Variants in VPS13B observed in about 807,000 individuals in gnomAD.
VPS13B encodes vacuolar protein sorting 13 homolog B, also known as intermembrane lipid transfer protein VPS13B.
Under a neutral mutation model 426.4 loss-of-function variants are expected in VPS13B, and 285 were observed. That is an observed-to-expected ratio of 0.67 (90% CI 0.61 to 0.74). The LOEUF is 0.74. VPS13B is among the 30% of genes least tolerant of loss of function. VPS13B has a pLI of 0.00. For synonymous variants in VPS13B, 1,676 were observed against 1,676.4 expected (o/e 1.00, Z 0.01); for missense variants, 4,537 against 4,782.6 (o/e 0.95, Z 1.51).
At chr8:99,848,175 T>C (rs1244007984) in intron 54 of VPS13B, among the ~76,000 whole-genome samples, 1 of 152,232 alleles carries the variant, frequency 6.6e-6, no homozygotes, top group Non-Finnish European at 1.5e-5. Flanking sequence ...GTAGAGCTTT[T>C]TTCTAGGTCT....
intron 3 of VPS13B, among the ~76,000 whole-genome samples, chr8:99,086,724 C>G (rs1226185433): frequency 6.6e-6 from 1 of 152,206 alleles, no homozygotes; most frequent in Non-Finnish European, 1.5e-5. Context: ...GAGGTCCACT[C>G]CAGACCCTGT....
At chr8:99,178,475 A>G (rs1334064702) in intron 16 of VPS13B, among the ~76,000 whole-genome samples, 1 of 152,286 alleles carries the variant, frequency 6.6e-6, no homozygotes, top group Non-Finnish European at 1.5e-5. Flanking sequence ...GTTTTTTGAT[A>G]CTCACAACCA....
At position 99,161,167 on chromosome 8, in the gene VPS13B, T is replaced by C. The variant is rs1306854726; in HGVS notation, c.2208+4424T>C. ...AATTTTCAGATTCAATGCTTTATAC[T>C]TAAGCTTTATTTATTGTCACAATTA... On this transcript the variant is annotated intron_variant, in intron 15 of 61. Transcript: ENST00000357162. Among the ~76,000 whole-genome samples the C allele has an allele frequency of 5.9e-5, 9 of 152,218 alleles. No individual in the cohort carries two copies. The East Asian group carries it at 1.5e-3, about 26-fold the overall frequency.
chr8:99,768,148 A>G lies in VPS13B; in HGVS notation c.7247+1178A>G, dbSNP rs1405359623. ...GAACAGCTTTCTTGGGTCATATACT[A>G]TCATGTGTACTGTGAGGCTATGCTG... On this transcript the variant is annotated intron_variant, in intron 40 of 61. Transcript: ENST00000357162. 2.0e-5 allele frequency among the ~76,000 whole-genome samples: 3 copies of G among 152,158 alleles called. No individual in the cohort carries two copies. The East Asian group carries it at 5.8e-4, about 29-fold the overall frequency.
At chr8:99,138,275 C>T (rs550215868) in intron 12 of VPS13B, among the ~76,000 whole-genome samples, 17 of 152,286 alleles carry the variant, frequency 1.1e-4, no homozygotes, top group South Asian at 2.1e-4. Flanking sequence ...TACAGGCATG[C>T]GCTGCCATGC....
chr8:99,767,493 CAAAAAAA>C (rs869220303), intron 40 of VPS13B, among the ~76,000 whole-genome samples: 1 of 33,318 alleles, frequency 3.0e-5, no homozygotes, highest in Non-Finnish European at 5.6e-5. Context: ...GCAACTCTCT[CAAAAAAA>C]AAAAAAAAAA....
intron 3 of VPS13B, among the ~76,000 whole-genome samples, chr8:99,088,183 C>CA (rs1326004820): frequency 0.086 from 5,567 of 64,434 alleles, 179 homozygotes; most frequent in South Asian, 0.15. Flanking sequence ...GACCCTGTCT[C>CA]AAAAAAAAAA....
intron 3 of VPS13B, among the ~76,000 whole-genome samples, chr8:99,044,084 C>CTTTTTTTTTTTTTTTTTTTTTTT (rs5893476): frequency 2.0e-5 from 2 of 98,932 alleles, no homozygotes; most frequent in Non-Finnish European, 3.7e-5. Flanking sequence ...TTCTTTCTTT[C>CTTTTTTTTTTTTTTTTTTTTTTT]TTTTTTTTTT....
chr8:99,222,120 C>T (rs373795729), intron 17 of VPS13B, among the ~76,000 whole-genome samples: 2 of 152,242 alleles, frequency 1.3e-5, no homozygotes, highest in African/African-American at 4.8e-5. Context: ...GAAGGATGAC[C>T]TGTAGGCCGT....
chr8:99,689,879 A>G (rs913289892), intron 35 of VPS13B, among the ~76,000 whole-genome samples: 4 of 152,158 alleles, frequency 2.6e-5, no homozygotes, highest in Non-Finnish European at 4.4e-5. Context: ...AGGTTACTAA[A>G]TTGTTTCTAC....
chr8:99,315,501 A>T (rs1809589867), intron 19 of VPS13B, among the ~76,000 whole-genome samples: 1 of 148,144 alleles, frequency 6.8e-6, no homozygotes, highest in South Asian at 2.2e-4. Context: ...TCTTTTGTTT[A>T]TCCTTTGGTA....
chr8:99,850,623 T>G (rs1816242263), intron 55 of VPS13B, among the ~76,000 whole-genome samples: 1 of 152,194 alleles, frequency 6.6e-6, no homozygotes, highest in Admixed American at 6.5e-5. Context: ...GTTTAAATCT[T>G]TCTTTTAAAA....
At chr8:99,160,554 G>C (rs1811593073) in intron 15 of VPS13B, among the ~76,000 whole-genome samples, 1 of 151,180 alleles carries the variant, frequency 6.6e-6, no homozygotes, top group Non-Finnish European at 1.5e-5. Flanking sequence ...GGGAGGCTGA[G>C]GTGAGAGATT....
At chr8:99,073,834 G>A (rs555381789) in intron 3 of VPS13B, among the ~76,000 whole-genome samples, 23 of 151,080 alleles carry the variant, frequency 1.5e-4, no homozygotes, top group South Asian at 4.2e-4. Flanking sequence ...GCAGTGGTGC[G>A]ATCAGGGCCC....
At position 99,603,558 on chromosome 8, in the gene VPS13B, G is replaced by C. The variant is rs1002229086; in HGVS notation, c.5220+25925G>C. ...CAGGAACAGTTGATCTGATCATCAA[G>C]ATGGCTACTCAGTGAATAATGGGCG... On this transcript the variant is annotated intron_variant, in intron 33 of 61. Transcript: ENST00000357162. 5.9e-5 allele frequency among the ~76,000 whole-genome samples: 9 copies of C among 152,268 alleles called. No homozygotes were observed. In the East Asian group the frequency reaches 1.4e-3, roughly 23 times the overall value.
chr8:99,734,954 A>G (rs1016215586), intron 39 of VPS13B, among the ~76,000 whole-genome samples: 4 of 152,232 alleles, frequency 2.6e-5, no homozygotes. Flanking sequence ...TGGAGCAGCC[A>G]GGACTATGGA....
At chr8:99,171,610 C>G (rs1812337594) in intron 16 of VPS13B, among the ~76,000 whole-genome samples, 1 of 151,940 alleles carries the variant, frequency 6.6e-6, no homozygotes, top group African/African-American at 2.4e-5. Flanking sequence ...CTACAGACAT[C>G]TAGAAATAAT....
intron 31 of VPS13B, among the ~76,000 whole-genome samples, chr8:99,563,403 C>T (rs938082036): frequency 3.9e-5 from 6 of 152,040 alleles, no homozygotes; most frequent in African/African-American, 1.2e-4. Context: ...GAAACACATC[C>T]AAATCAAGAT....
intron 3 of VPS13B, among the ~76,000 whole-genome samples, chr8:99,072,971 C>T (rs959328902): frequency 4.6e-5 from 7 of 152,064 alleles, no homozygotes; most frequent in African/African-American, 1.4e-4. Flanking sequence ...TGTTTTTATA[C>T]CAATATTGTG....
Sources: gnomAD v4.1 joint callset for allele counts (sites outside exome capture counted in the v4.1 genomes callset) on GRCh38, gnomAD v4.1.1 for gene constraint, MANE v1.5 for transcripts, NCBI Gene and HGNC (gene_info 2026-07-23, HGNC 2026-07-21) for gene names.